Variants in KLC3 observed in about 807,000 individuals in gnomAD.
The protein encoded by KLC3 is kinesin light chain 3.
Under a neutral mutation model 62.9 loss-of-function variants are expected in KLC3, and 72 were observed. The ratio of observed to expected loss-of-function variants is 1.15; its 90% CI spans 0.95 to 1.39. The LOEUF is 1.39. Among genes scored for constraint, KLC3 ranks in the 40% most tolerant of loss-of-function variants. The pLI is 0.00. For synonymous variants in KLC3, 377 were observed against 300.5 expected, an observed-to-expected ratio of 1.25 and a Z score of -2.63; for missense variants, 848 against 691.6, an observed-to-expected ratio of 1.23 and a Z score of -2.54.
At position 45,350,674 on chromosome 19, in the gene KLC3, CGT is replaced by C; in HGVS notation, c.1308_1309del (p.Glu437ValfsTer7). 1 of 1,613,784 alleles carries C rather than the reference CGT, an allele frequency of 6.2e-7. No homozygotes were observed. The highest frequency in any genetic ancestry group is 1.7e-4 in the Middle Eastern group (1 of 6,036). The stretch of plus-strand genomic sequence containing the variant: ...CCGCAGCAGCTCACTCTCCAAGATC[CGT>C]GAGTCTATCAGGCGAGGAAGTGAGA... ...LRRSSSLSKI[R>X]ESIRRGSEKL... On this transcript the variant is annotated frameshift_variant, in exon 11 of 13. Transcript: ENST00000391946. LOFTEE classifies it high-confidence loss of function.
At chr19:45,343,019 C>T (rs914374905) in intron 1 of KLC3, among the ~76,000 whole-genome samples, 1 of 152,160 alleles carries the variant, frequency 6.6e-6, no homozygotes, top group South Asian at 2.1e-4. Context: ...CTCTCTGTTC[C>T]GACAGTGGAG....
Position 45,350,672 on chromosome 19 carries a change from T to G in KLC3, c.1304T>G (p.Ile435Ser), listed in dbSNP as rs767434756. The change falls in exon 11 of 13, where the codon ATC becomes AGC. Residue 435 changes from isoleucine to serine, a missense_variant. By Grantham distance (142) the Ile-to-Ser change is moderately radical. Coordinates refer to ENST00000391946, the MANE Select transcript of KLC3 (RefSeq NM_177417.3). ...CGCCGCAGCAGCTCACTCTCCAAGA[T>G]CCGTGAGTCTATCAGGCGAGGAAGT... ...ALRRSSSLSK[I>S]RESIRRGSEK... 2 of 1,613,320 alleles carry G rather than the reference T, an allele frequency of 1.2e-6. No individual in the cohort carries two copies. Among genetic ancestry groups the G allele is most frequent in the South Asian group, 2.2e-5 (2 of 91,018 alleles).
chr19:45,341,714 C>T (rs532940247), intron 1 of KLC3, among the ~76,000 whole-genome samples: 5 of 145,036 alleles, frequency 3.4e-5, no homozygotes, highest in South Asian at 2.2e-4. Flanking sequence ...TTTCATGGGA[C>T]GGTGCGCGTG....
In KLC3 at chr19:45,345,545, T is replaced by C. The variant is rs778904640; in HGVS notation, c.4T>C (p.Ser2Pro). ...CCATTGCTCCCCAGGAGCAGCAATG[T>C]CTGTGCAGGTAGCGGCTCCTGGAAG... MSVQVAAPGSAG... is the reference protein window; with the variant it reads MPVQVAAPGSAG... Residue 2 changes from serine (S) to proline (P), a missense_variant, in exon 2 of 13, where the codon TCT becomes CCT. By Grantham distance (74) the Ser-to-Pro change is moderately conservative (BLOSUM62 -1). Transcript: ENST00000391946. The C allele has an allele frequency of 3.2e-5, 50 of 1,564,218 alleles. 1 individual carries two copies. The South Asian group carries it at 5.8e-4, about 18-fold the overall frequency.
In KLC3 at chr19:45,351,319, A is replaced by T. The variant is rs545160779; in HGVS notation, c.1477A>T (p.Thr493Ser). 1 of 1,612,046 alleles carries T rather than the reference A, an allele frequency of 6.2e-7. No individual in the cohort carries two copies. Among genetic ancestry groups the T allele is most frequent in the African/African-American group, 1.3e-5 (1 of 74,930 alleles). ...PSWHLDKAPR[T>S]LSASTQDLSP... ...CTGGCACCTGGACAAGGCCCCTCGGACCCTCAGCGCCAGCACCCAGGACCT... is the reference window on the plus strand; with the variant it reads ...CTGGCACCTGGACAAGGCCCCTCGGTCCCTCAGCGCCAGCACCCAGGACCT... The change falls in exon 13 of 13, where the codon ACC (threonine) becomes TCC (serine). Residue 493 changes from threonine to serine, a missense_variant. Thr to Ser is a moderately conservative substitution (Grantham distance 58). Coordinates refer to ENST00000391946, the MANE Select transcript of KLC3 (RefSeq NM_177417.3).
chr19:45,351,394 A>C lies in KLC3; in HGVS notation c.*37A>C. The stretch of plus-strand genomic sequence containing the variant: ...CTGCGCTGGCCGCAGCTTCTTGGGA[A>C]CAGTGCAGGAGGGATGGGCTGGTGG... On this transcript the variant is annotated 3_prime_UTR_variant, in exon 13 of 13. Transcript: ENST00000391946. The C allele has an allele frequency of 6.2e-7, 1 of 1,605,912 alleles. No homozygotes were observed. The highest frequency in any genetic ancestry group is 8.5e-7 in the Non-Finnish European group (1 of 1,179,772).
intron 1 of KLC3, among the ~76,000 whole-genome samples, 183 bp downstream of exon 1, chr19:45,341,029 C>T (rs1398823281): frequency 6.6e-6 from 1 of 151,958 alleles, no homozygotes; most frequent in African/African-American, 2.4e-5. Context: ...CCCACCCCAG[C>T]GCAGGTAAAC....
rs182770555 is a variant in KLC3 at position 45,349,449 on chromosome 19, A to C, written c.990A>C (p.Pro330=). Residue 330 remains proline (P), a synonymous_variant, in exon 8 of 13, where the codon CCA becomes CCC. Coordinates refer to ENST00000391946, the MANE Select transcript of KLC3 (RefSeq NM_177417.3). The part of the protein sequence containing the change: ...IREKVLGADH[P]DVAKQLNNLA... ...CCCAGGTCCTGGGTGCTGACCACCCAGATGTGGCCAAGCAGCTCAACAACC... is the reference window on the plus strand; with the variant it reads ...CCCAGGTCCTGGGTGCTGACCACCCCGATGTGGCCAAGCAGCTCAACAACC... 3.7e-6 allele frequency: 6 copies of C among 1,611,704 alleles called. No individual in the cohort carries two copies. The highest frequency in any genetic ancestry group is 4.2e-6 in the Non-Finnish European group (5 of 1,178,494).
rs201644335 is a variant in KLC3 at position 45,349,518 on chromosome 19, G to A, written c.1059G>A (p.Glu353=). The A allele has an allele frequency of 3.7e-6, 6 of 1,613,724 alleles. No homozygotes were observed. The highest frequency in any genetic ancestry group is 2.2e-5 in the East Asian group (1 of 44,868). The change falls in exon 8 of 13, where the codon GAG becomes GAA. Residue 353 remains glutamate (E), a synonymous_variant. Transcript: ENST00000391946. ...CQNQGKFEDV[E]RHYARALSIY... ...ACCAGGGCAAGTTTGAGGACGTGGA[G>A]CGGCACTATGCCCGGGCCCTGAGCA...
In KLC3 at chr19:45,351,308, A is replaced by C; in HGVS notation, c.1466A>C (p.Lys489Thr). The C allele has an allele frequency of 6.2e-7, 1 of 1,612,604 alleles. No individual in the cohort carries two copies. The highest frequency in any genetic ancestry group is 1.1e-5 in the South Asian group (1 of 91,070). ...CAGTTTCCCAGCTGGCACCTGGACA[A>C]GGCCCCTCGGACCCTCAGCGCCAGC... ...GTQFPSWHLD[K>T]APRTLSASTQ... Residue 489 changes from lysine (K) to threonine (T), a missense_variant, in exon 13 of 13, where the codon AAG (lysine) becomes ACG (threonine). Physicochemically the swap from Lys to Thr is moderately conservative, Grantham distance 78. Transcript: ENST00000391946.
intron 8 of KLC3, chr19:45,350,023 G>C: frequency 4.5e-6 from 2 of 448,512 alleles, no homozygotes; most frequent in East Asian, 7.8e-5. Flanking sequence ...GAAACAGGAG[G>C]CTGCCTGTCC....
chr19:45,346,992 C>G (rs1045077648), intron 3 of KLC3: 17 of 524,186 alleles, frequency 3.2e-5, no homozygotes, highest in African/African-American at 3.1e-4. Flanking sequence ...CACGAAGCCC[C>G]CGAGCCTCGC....
At position 45,348,669 on chromosome 19, in the gene KLC3, C is replaced by G; in HGVS notation, c.803C>G (p.Ala268Gly). The change falls in exon 6 of 13, where the codon GCC (alanine) becomes GGC (glycine). Residue 268 changes from alanine (A) to glycine (G), a missense_variant. Transcript: ENST00000391946. The stretch of plus-strand genomic sequence containing the variant: ...AGGGACCAGAACAAGTACAAAGAAG[C>G]CACAGACCTTCTCCATGATGCCCTG... ...VYRDQNKYKEATDLLHDALQI... is the reference protein window; with the variant it reads ...VYRDQNKYKEGTDLLHDALQI... 6.3e-7 allele frequency: 1 copy of G among 1,591,432 alleles called. No homozygotes were observed. The highest frequency in any genetic ancestry group is 8.6e-7 in the Non-Finnish European group (1 of 1,169,262).
intron 1 of KLC3, chr19:45,345,319 G>A: frequency 1.5e-6 from 1 of 648,098 alleles, no homozygotes; most frequent in Non-Finnish European, 2.7e-6. Context: ...GACGAAGGTA[G>A]ACAAGACTGT....
chr19:45,350,185 G>T, intron 8 of KLC3, 156 bp from the exon 9 acceptor site: 1 of 624,676 alleles, frequency 1.6e-6, no homozygotes, highest in Non-Finnish European at 2.8e-6. Context: ...ACTTTGGGAG[G>T]CCAAGGCAGG....
chr19:45,345,525 G>C lies in KLC3; in HGVS notation c.-8-9G>C. On this transcript the variant is annotated splice_polypyrimidine_tract_variant and intron_variant, in intron 1 of 12. Transcript: ENST00000391946. The stretch of plus-strand genomic sequence containing the variant: ...ATGATTCCCCAAACCCCTCACCATT[G>C]CTCCCCAGGAGCAGCAATGTCTGTG... The C allele has an allele frequency of 6.4e-7, 1 of 1,558,476 alleles. No individual in the cohort carries two copies. The highest frequency in any genetic ancestry group is 8.7e-7 in the Non-Finnish European group (1 of 1,151,772).
chr19:45,342,023 A>C (rs1445234772), intron 1 of KLC3, among the ~76,000 whole-genome samples: 1 of 151,402 alleles, frequency 6.6e-6, no homozygotes, highest in Non-Finnish European at 1.5e-5. Context: ...GCTCTGTGTG[A>C]GTGTGGGAGC....
At chr19:45,346,018 T>C (rs1971482806) in intron 2 of KLC3, among the ~76,000 whole-genome samples, 1 of 151,842 alleles carries the variant, frequency 6.6e-6, no homozygotes, top group Non-Finnish European at 1.5e-5. Flanking sequence ...ATACAAAAAG[T>C]AGCTGGGCAT....
At position 45,348,143 on chromosome 19, in the gene KLC3, C is replaced by T; in HGVS notation, c.762C>T (p.Ile254=). 6.3e-7 allele frequency: 1 copy of T among 1,594,334 alleles called. No individual in the cohort carries two copies. The highest frequency in any genetic ancestry group is 1.1e-5 in the South Asian group (1 of 88,614). ...CTGACGTGGCCACCATGCTCAACAT[C>T]CTGGCGCTGGTGTACCGGTGAGCAC... ...CHPDVATMLN[I]LALVYRDQNK... is the part of the protein sequence containing the mutation. The change falls in exon 5 of 13, where the codon ATC becomes ATT. Residue 254 remains isoleucine (I), a synonymous_variant. Transcript: ENST00000391946.
Sources: allele counts gnomAD v4.1 joint callset (sites outside exome capture counted in the v4.1 genomes callset), GRCh38; gene constraint gnomAD v4.1.1; transcripts MANE v1.5; gene names NCBI Gene and HGNC (gene_info 2026-07-23, HGNC 2026-07-21).